The following TBXAS1 variants were observed in gnomAD, a reference collection of about 807,000 sequenced individuals.
TBXAS1 encodes the protein thromboxane A synthase 1.
Under a neutral mutation model 60.7 loss-of-function variants are expected in TBXAS1, and 48 were observed. The observed-to-expected ratio is 0.79, with a 90% CI of 0.63 to 1.01. The LOEUF (loss-of-function observed/expected upper bound fraction) is 1.01. Among genes scored for constraint, TBXAS1 ranks in the 50% least tolerant of loss-of-function variants. The pLI, the probability that TBXAS1 is intolerant of heterozygous loss-of-function variation, is 0.00. For missense variants in TBXAS1, 685 were observed against 686.3 expected (o/e 1.00, Z 0.02); for synonymous variants, 287 against 269.7 (o/e 1.06, Z -0.63).
At chr7:139,926,301 CT>C (rs895573320) in intron 4 of TBXAS1, among the ~76,000 whole-genome samples, 1 of 152,120 alleles carries the variant, frequency 6.6e-6, no homozygotes, top group Non-Finnish European at 1.5e-5. Flanking sequence ...TGCTGGGAGA[CT>C]TTTTATTACG....
intron 9 of TBXAS1, among the ~76,000 whole-genome samples, chr7:139,981,270 C>A (rs1376013389): frequency 6.6e-6 from 1 of 152,142 alleles, no homozygotes; most frequent in Non-Finnish European, 1.5e-5. Flanking sequence ...ACCCATGCCC[C>A]ATGCCCGGCT....
rs1554503305 is a variant in TBXAS1, at chr7:139,984,640, G to GAAAGAA, written c.1134+22408_1134+22409insAAGAAA. Among the ~76,000 whole-genome samples, 34 of 99,854 alleles carry GAAAGAA rather than the reference G, an allele frequency of 3.4e-4. 3 individuals are homozygous for GAAAGAA. Among genetic ancestry groups the GAAAGAA allele is most frequent in the African/African-American group, 8.1e-4 (21 of 26,010 alleles). 65.5% of individuals were successfully genotyped at this position (99,854 alleles called of 152,430 possible). ...AGAGAGAGAGAGAGAGAGAGAGAGA[G>GAAAGAA]AGAAAGAAAGAAAGGGAAGGGGGAA... On this transcript the variant is annotated intron_variant, in intron 9 of 12. Transcript: ENST00000448866.
At chr7:139,881,671 C>T (rs1802710685) in intron 3 of TBXAS1, among the ~76,000 whole-genome samples, 1 of 152,090 alleles carries the variant, frequency 6.6e-6, no homozygotes, top group African/African-American at 2.4e-5. Context: ...GTTCTAAGAA[C>T]ATCTTTGTAA....
chr7:139,874,438 T>A (rs1802064936), intron 2 of TBXAS1, among the ~76,000 whole-genome samples: 1 of 152,206 alleles, frequency 6.6e-6, no homozygotes, highest in African/African-American at 2.4e-5. Flanking sequence ...CAGCCCGCCA[T>A]CCTCACAGCT....
intron 3 of TBXAS1, among the ~76,000 whole-genome samples, chr7:139,894,697 C>G (rs996412107): frequency 2.6e-5 from 4 of 152,156 alleles, no homozygotes; most frequent in Non-Finnish European, 5.9e-5. Flanking sequence ...TCCTTTTGCC[C>G]TTTCCCACAC....
intron 1 of TBXAS1, among the ~76,000 whole-genome samples, chr7:139,849,059 T>A (rs1045610255): frequency 1.3e-5 from 2 of 151,766 alleles, no homozygotes; most frequent in Non-Finnish European, 2.9e-5. Flanking sequence ...GTGAAAACAG[T>A]GACTCTCTGG....
chr7:139,838,663 AT>A lies in TBXAS1; in HGVS notation c.89+9185del, dbSNP rs1365695210. 5.3e-5 allele frequency among the ~76,000 whole-genome samples: 8 copies of A among 152,354 alleles called. 1 individual carries two copies. Among genetic ancestry groups the A allele is most frequent in the African/African-American group, 1.7e-4 (7 of 41,578 alleles). Reference sequence around the variant, plus strand: ...TGAATTTGGAAAAAAGACAAAAAAAATCTTTCATTTAAAAAGACACTGTTTT... The same window carrying A: ...TGAATTTGGAAAAAAGACAAAAAAAACTTTCATTTAAAAAGACACTGTTTT... On this transcript the variant is annotated intron_variant, in intron 1 of 12. Coordinates refer to ENST00000448866, the MANE Select transcript of TBXAS1 (RefSeq NM_001061.7).
chr7:139,785,653 GACA>G, intron 3 of TBXAS1, among the ~76,000 whole-genome samples: 1 of 151,872 alleles, frequency 6.6e-6, no homozygotes, highest in Admixed American at 6.6e-5. Flanking sequence ...ACTGATTGTT[GACA>G]ACATTGGCTT....
At chr7:139,869,323 T>C (rs113127419) in intron 1 of TBXAS1, among the ~76,000 whole-genome samples, 11 of 152,248 alleles carry the variant, frequency 7.2e-5, no homozygotes, top group African/African-American at 1.9e-4. Context: ...TGTCTTCACA[T>C]GGCCATCTTC....
chr7:139,989,044 T>C (rs532837790), intron 9 of TBXAS1, among the ~76,000 whole-genome samples: 20 of 152,284 alleles, frequency 1.3e-4, no homozygotes, highest in Non-Finnish European at 2.1e-4. Context: ...AGGCAGCGCA[T>C]TGCAGGGTTA....
At chr7:139,955,345 T>C in intron 6 of TBXAS1, 114 bp from the exon 7 acceptor site, 2 of 1,389,644 alleles carry the variant, frequency 1.4e-6, no homozygotes, top group Non-Finnish European at 2.0e-6. Flanking sequence ...CAGACACATC[T>C]GCAGGGCTGG....
intron 9 of TBXAS1, among the ~76,000 whole-genome samples, chr7:140,000,139 T>G (rs1813567851): frequency 6.6e-6 from 1 of 152,054 alleles, no homozygotes; most frequent in South Asian, 2.1e-4. Context: ...CATAAAAGGA[T>G]TTATCGATAG....
chr7:139,888,549 T>G (rs926611029), intron 3 of TBXAS1, among the ~76,000 whole-genome samples: 3 of 152,204 alleles, frequency 2.0e-5, no homozygotes, highest in African/African-American at 7.2e-5. Flanking sequence ...CATACACTCC[T>G]GCTTCATGAC....
intron 4 of TBXAS1, chr7:139,913,114 T>G: frequency 1.4e-6 from 1 of 702,928 alleles, no homozygotes; most frequent in South Asian, 1.5e-5. Context: ...TCTAGAGGGA[T>G]GTGGCCTGGA....
chr7:139,929,752 C>A (rs1807165028), intron 4 of TBXAS1, among the ~76,000 whole-genome samples: 1 of 152,160 alleles, frequency 6.6e-6, no homozygotes. Context: ...GTTGGCTCTA[C>A]CTTCAAAGCA....
At chr7:139,856,681 G>GA (rs1022898177) in intron 1 of TBXAS1, among the ~76,000 whole-genome samples, 2 of 152,170 alleles carry the variant, frequency 1.3e-5, no homozygotes, top group African/African-American at 4.8e-5. Context: ...GTCCCATGTA[G>GA]AAAAAATGGC....
intron 3 of TBXAS1, among the ~76,000 whole-genome samples, chr7:139,909,891 T>C (rs1217136466): frequency 1.3e-5 from 2 of 152,224 alleles, no homozygotes; most frequent in Admixed American, 6.5e-5. Flanking sequence ...TGGCTTGCTT[T>C]GCACAGTTGG....
At chr7:139,952,427 C>G (rs757690104) in intron 5 of TBXAS1, 45 of 1,189,796 alleles carry the variant, frequency 3.8e-5, no homozygotes, top group Non-Finnish European at 4.7e-5. Context: ...CAAATCTAAA[C>G]ATAGGTTACA....
chr7:139,971,749 G>A (rs1393914209), intron 9 of TBXAS1, among the ~76,000 whole-genome samples: 3 of 152,126 alleles, frequency 2.0e-5, no homozygotes, highest in Non-Finnish European at 2.9e-5. Context: ...CTTAGAGACC[G>A]CTGTGCCTCT....
Sources: gnomAD v4.1 joint callset for allele counts (sites outside exome capture counted in the v4.1 genomes callset) on GRCh38, gnomAD v4.1.1 for gene constraint, MANE v1.5 for transcripts, NCBI Gene and HGNC (gene_info 2026-07-23, HGNC 2026-07-21) for gene names.